Variants in SORCS1 observed in about 807,000 individuals in gnomAD.
SORCS1 encodes sortilin related VPS10 domain containing receptor 1.
SORCS1 carries 60 observed loss-of-function variants against 146.1 expected under a neutral mutation model. The observed-to-expected ratio is 0.41, with a 90% CI of 0.33 to 0.51. SORCS1 has a LOEUF of 0.51. SORCS1 is among the 20% of genes least tolerant of loss of function. SORCS1 has a pLI of 0.21. For missense variants in SORCS1, 1,352 were observed against 1,487.6 expected (o/e 0.91, Z 1.50); for synonymous variants, 637 against 584.0 (o/e 1.09, Z -1.31).
chr10:106,708,379 T>A (rs905991258), intron 7 of SORCS1, among the ~76,000 whole-genome samples: 1 of 152,174 alleles, frequency 6.6e-6, no homozygotes, highest in Non-Finnish European at 1.5e-5. Flanking sequence ...CAATTTCTTG[T>A]CGAAATAAAT....
chr10:106,946,490 T>C (rs1468379358), intron 2 of SORCS1, among the ~76,000 whole-genome samples: 1 of 152,242 alleles, frequency 6.6e-6, no homozygotes, highest in Non-Finnish European at 1.5e-5. Context: ...GATGGTTTTA[T>C]AAATGGGAGT....
intron 2 of SORCS1, among the ~76,000 whole-genome samples, chr10:106,934,007 T>A (rs987312468): frequency 1.4e-5 from 2 of 147,052 alleles, no homozygotes; most frequent in African/African-American, 2.5e-5. Context: ...GGCAGAAGAA[T>A]CACTTGAACC....
chr10:106,670,468 G>A (rs936757347), intron 16 of SORCS1, among the ~76,000 whole-genome samples: 1 of 152,182 alleles, frequency 6.6e-6, no homozygotes, highest in African/African-American at 2.4e-5. Context: ...TCCTTGCTCT[G>A]AGTTCAGCAA....
intron 2 of SORCS1, among the ~76,000 whole-genome samples, chr10:106,861,839 A>C (rs1369230570): frequency 6.6e-6 from 1 of 152,214 alleles, no homozygotes; most frequent in Non-Finnish European, 1.5e-5. Flanking sequence ...CAGTGAGCCA[A>C]GATTGTGCCA....
chr10:107,167,029 G>C (rs1970065763), upstream of SORCS1, among the ~76,000 whole-genome samples: 1 of 152,230 alleles, frequency 6.6e-6, no homozygotes, highest in Non-Finnish European at 1.5e-5. Flanking sequence ...CCTTTAAAAT[G>C]AAAGCATTTG....
chr10:106,613,264 T>C (rs1412494991), intron 21 of SORCS1, among the ~76,000 whole-genome samples: 1 of 152,164 alleles, frequency 6.6e-6, no homozygotes, highest in Non-Finnish European at 1.5e-5. Flanking sequence ...GCAAGGATTA[T>C]ATGAGGGGAA....
upstream of SORCS1, among the ~76,000 whole-genome samples, chr10:107,167,861 CAGAA>C (rs1970089313): frequency 6.6e-6 from 1 of 151,754 alleles, no homozygotes; most frequent in Non-Finnish European, 1.5e-5. Context: ...GAAGCAGAGG[CAGAA>C]AGACAAAGAA....
intron 2 of SORCS1, among the ~76,000 whole-genome samples, chr10:106,862,783 A>T (rs1048330232): frequency 2.6e-3 from 203 of 79,288 alleles, no homozygotes; most frequent in African/African-American, 7.8e-3. Context: ...GTCTCTACAA[A>T]AAAAAAAAAA....
intron 2 of SORCS1, among the ~76,000 whole-genome samples, chr10:106,863,492 T>C (rs1184413050): frequency 6.8e-6 from 1 of 147,670 alleles, no homozygotes; most frequent in Non-Finnish European, 1.5e-5. Context: ...ACCACTGTAC[T>C]CCAGCTTGGG....
chr10:106,899,292 A>G (rs1951607024), intron 2 of SORCS1, among the ~76,000 whole-genome samples: 1 of 152,222 alleles, frequency 6.6e-6, no homozygotes, highest in African/African-American at 2.4e-5. Flanking sequence ...CAAGAAAAGT[A>G]AAACATTCTC....
At chr10:107,088,013 G>T (rs1047280943) in intron 1 of SORCS1, among the ~76,000 whole-genome samples, 3 of 152,286 alleles carry the variant, frequency 2.0e-5, no homozygotes, top group Middle Eastern at 6.8e-3. Context: ...CCGCCTCCCG[G>T]GTTCACGCCA....
chr10:106,783,771 A>T (rs1456594536), intron 3 of SORCS1, among the ~76,000 whole-genome samples: 1 of 152,208 alleles, frequency 6.6e-6, no homozygotes, highest in Non-Finnish European at 1.5e-5. Flanking sequence ...TCCTTCCAGC[A>T]TGATTCTTCC....
chr10:106,876,208 T>C (rs1017407855), intron 2 of SORCS1, among the ~76,000 whole-genome samples: 1 of 152,182 alleles, frequency 6.6e-6, no homozygotes. Context: ...TTCTCTGACA[T>C]TGAGGGCGCG....
chr10:106,859,903 T>C (rs2137411853), intron 2 of SORCS1, among the ~76,000 whole-genome samples: 1 of 152,368 alleles, frequency 6.6e-6, no homozygotes, highest in East Asian at 1.9e-4. Flanking sequence ...CTCTCCACCA[T>C]TTAGCTGCTT....
In SORCS1 at chr10:106,939,261, C is replaced by G. The variant is rs544115889; in HGVS notation, c.626+17252G>C. 1.6e-4 allele frequency among the ~76,000 whole-genome samples: 24 copies of G among 152,212 alleles called. 1 individual carries two copies. In the South Asian group the frequency reaches 3.3e-3, roughly 21 times the overall value. On this transcript the variant is annotated intron_variant, in intron 2 of 25. Coordinates refer to ENST00000263054, the MANE Select transcript of SORCS1 (RefSeq NM_052918.5). ...TGCAGGCATGGCTAATCCAAGTCTT[C>G]GATTATTTCAAAGGGTATACGTTTG...
intron 1 of SORCS1, among the ~76,000 whole-genome samples, chr10:106,980,934 A>G (rs187863775): frequency 1.3e-5 from 2 of 149,936 alleles, no homozygotes; most frequent in African/African-American, 2.4e-5. Context: ...GCTTTAATTT[A>G]TTTCGTTTAA....
chr10:106,888,987 G>A (rs1302148213), intron 2 of SORCS1, among the ~76,000 whole-genome samples: 1 of 152,166 alleles, frequency 6.6e-6, no homozygotes, highest in African/African-American at 2.4e-5. Flanking sequence ...GAATAAAGAT[G>A]TGAAAAACAT....
At chr10:106,758,467 A>G (rs923876428) in intron 5 of SORCS1, among the ~76,000 whole-genome samples, 1 of 152,188 alleles carries the variant, frequency 6.6e-6, no homozygotes, top group Non-Finnish European at 1.5e-5. Context: ...AGTCATTTGA[A>G]AGTAGGACTT....
intron 2 of SORCS1, among the ~76,000 whole-genome samples, chr10:106,939,800 A>C (rs891274278): frequency 4.6e-5 from 7 of 152,256 alleles, no homozygotes; most frequent in Non-Finnish European, 4.4e-5. Flanking sequence ...ACCTGAAATA[A>C]GAAAAAGGTT....
Sources: allele counts gnomAD v4.1 joint callset (sites outside exome capture counted in the v4.1 genomes callset), GRCh38; gene constraint gnomAD v4.1.1; transcripts MANE v1.5; gene names NCBI Gene and HGNC (gene_info 2026-07-23, HGNC 2026-07-21).